Variants in CAMLG observed in about 807,000 individuals in gnomAD.
The protein encoded by CAMLG is guided entry of tail-anchored proteins factor CAMLG.
Under a neutral mutation model 28.9 loss-of-function variants are expected in CAMLG, and 23 were observed. The observed-to-expected ratio is 0.80, with a 90% CI of 0.57 to 1.13. The LOEUF (loss-of-function observed/expected upper bound fraction) is 1.13, where lower values mean the gene tolerates loss of function less well. Ranked by LOEUF, CAMLG falls within the 50% of genes most tolerant of loss-of-function variation. The pLI, the probability that CAMLG is intolerant of heterozygous loss-of-function variation, is 0.00. For missense variants in CAMLG, 367 were observed against 371.9 expected, an observed-to-expected ratio of 0.99 and a Z score of 0.11; for synonymous variants, 141 against 146.5, an observed-to-expected ratio of 0.96 and a Z score of 0.27.
chr5:134,740,450 G>A (rs1418318937), intron 1 of CAMLG, among the ~76,000 whole-genome samples: 3 of 152,104 alleles, frequency 2.0e-5, no homozygotes, highest in Non-Finnish European at 4.4e-5. Flanking sequence ...TAAAAAGTTG[G>A]TCTTTTCAGC....
At chr5:134,745,929 G>A (rs1038715896) in intron 3 of CAMLG, among the ~76,000 whole-genome samples, 5 of 150,384 alleles carry the variant, frequency 3.3e-5, no homozygotes, top group Admixed American at 6.7e-5. Flanking sequence ...AGCTGAGGTC[G>A]GGATTTCGAG....
rs1000823516 is a variant in CAMLG at position 134,740,548 on chromosome 5, T to G, written c.173-515T>G. On this transcript the variant is annotated intron_variant, in intron 1 of 3. Coordinates refer to ENST00000297156, the MANE Select transcript of CAMLG (RefSeq NM_001745.4). The stretch of plus-strand genomic sequence containing the variant: ...TTGGGTTATTTCCTCTGCAGAATAT[T>G]CATTTTGGGTGATACATTTTGAGGG... Among the ~76,000 whole-genome samples, 6 of 152,210 alleles carry G rather than the reference T, an allele frequency of 3.9e-5. No homozygotes were observed. In the South Asian group the frequency reaches 1.2e-3, roughly 32 times the overall value.
At position 134,741,937 on chromosome 5, in the gene CAMLG, C is replaced by T. The variant is rs571217747; in HGVS notation, c.633+414C>T. On this transcript the variant is annotated intron_variant, in intron 2 of 3. Transcript: ENST00000297156. Reference sequence around the variant, plus strand: ...CTCCAGCCTGGGTGACAGAGTGAGACCCCGTCTCAAAAATATATGTATGTG... The same window carrying T: ...CTCCAGCCTGGGTGACAGAGTGAGATCCCGTCTCAAAAATATATGTATGTG... Among the ~76,000 whole-genome samples the T allele has an allele frequency of 1.8e-4, 28 of 152,122 alleles. No homozygotes were observed. The South Asian group carries it at 5.8e-3, about 32-fold the overall frequency.
chr5:134,743,138 A>C (rs895457283), intron 2 of CAMLG, among the ~76,000 whole-genome samples: 7 of 152,178 alleles, frequency 4.6e-5, no homozygotes, highest in African/African-American at 1.4e-4. Context: ...CTCCTGCCTC[A>C]GCCTTCTGCA....
chr5:134,744,009 CT>C lies in CAMLG; in HGVS notation c.659del (p.Leu220TyrfsTer19). 1 of 1,442,900 alleles carries C rather than the reference CT, an allele frequency of 6.9e-7. No homozygotes were observed. The highest frequency in any genetic ancestry group is 9.7e-7 in the Non-Finnish European group (1 of 1,027,146). 89.4% of individuals were successfully genotyped at this position (1,442,900 alleles called of 1,614,324 possible). On this transcript the variant is annotated frameshift_variant, in exon 3 of 4. Coordinates refer to ENST00000297156, the MANE Select transcript of CAMLG (RefSeq NM_001745.4). LOFTEE classifies it high-confidence loss of function. The stretch of plus-strand genomic sequence containing the variant: ...CAGTCCATATTTGCTCCATTTCTTA[CT>C]TTACAACTTGCGTACATGGGATTAT... ...KYLSIFAPFL[T>X]LQLAYMGLYK...
intron 3 of CAMLG, among the ~76,000 whole-genome samples, chr5:134,745,372 C>T (rs886076557): frequency 6.9e-6 from 1 of 144,624 alleles, no homozygotes; most frequent in African/African-American, 2.6e-5. Flanking sequence ...GGAGGCGGAG[C>T]TTGCAGTGAG....
At chr5:134,748,452 C>T (rs897541960) in intron 3 of CAMLG, among the ~76,000 whole-genome samples, 33 of 152,176 alleles carry the variant, frequency 2.2e-4, no homozygotes, top group African/African-American at 7.2e-4. Context: ...GTGGGAGAAT[C>T]GCTTGAACCC....
Position 134,750,756 on chromosome 5 carries a change from C to A in CAMLG, c.700-3C>A. On this transcript the variant is annotated splice_region_variant and splice_polypyrimidine_tract_variant and intron_variant, in intron 3 of 3. Coordinates refer to ENST00000297156, the MANE Select transcript of CAMLG (RefSeq NM_001745.4). ...AGATTAATTTGAGTCTTTCTCTACA[C>A]AGAGTGAAAAGAAGATAAAGACAAC... is the stretch of plus-strand genomic sequence containing the variant. 1 of 1,605,884 alleles carries A rather than the reference C, an allele frequency of 6.2e-7. No homozygotes were observed.
Position 134,738,582 on chromosome 5 carries a change from C to G in CAMLG, c.-39C>G. The G allele has an allele frequency of 6.5e-7, 1 of 1,528,120 alleles. No individual in the cohort carries two copies. The allele number at this position is 1,528,120 out of a possible 1,614,324, so 94.7% of individuals were successfully genotyped here. A position where few individuals can be genotyped will look rare whatever the true frequency, so the allele number is the denominator to read the frequency against. Reference sequence around the variant, plus strand: ...TCGCCCTCGCAGCGGCGGCCAACATCACCGCCACTGCCACCCCTCCCAGAC... The same window carrying G: ...TCGCCCTCGCAGCGGCGGCCAACATGACCGCCACTGCCACCCCTCCCAGAC... On this transcript the variant is annotated 5_prime_UTR_variant, in exon 1 of 4. In the 5' UTR this introduces an upstream ATG that the reference lacks. Transcript: ENST00000297156.
chr5:134,739,128 T>C (rs1752953999), intron 1 of CAMLG, among the ~76,000 whole-genome samples: 1 of 152,186 alleles, frequency 6.6e-6, no homozygotes, highest in Non-Finnish European at 1.5e-5. Context: ...ATCCCCAGAC[T>C]GTCATGTCTA....
chr5:134,747,174 TTATTA>T (rs774646054), intron 3 of CAMLG, among the ~76,000 whole-genome samples: 81 of 152,282 alleles, frequency 5.3e-4, no homozygotes, highest in Middle Eastern at 3.4e-3. Flanking sequence ...AATTAACATC[TTATTA>T]TATTATGTAT....
intron 3 of CAMLG, among the ~76,000 whole-genome samples, chr5:134,747,256 C>A (rs1156951007): frequency 1.3e-5 from 2 of 152,102 alleles, no homozygotes; most frequent in South Asian, 4.1e-4. Context: ...TCAAATTTTT[C>A]TTGATGCATT....
chr5:134,749,059 G>C (rs921999025), intron 3 of CAMLG, among the ~76,000 whole-genome samples: 5 of 151,098 alleles, frequency 3.3e-5, no homozygotes, highest in Non-Finnish European at 5.9e-5. Context: ...ATTTCTTTTA[G>C]GTAACTATAG....
In CAMLG at chr5:134,750,969, G is replaced by T; in HGVS notation, c.*19G>T. ...ACCATGAAGCCTGTAGAACTGAGAA[G>T]GAGAAGCTTACAAAAAAAAAAAAAT... On this transcript the variant is annotated 3_prime_UTR_variant, in exon 4 of 4. Coordinates refer to ENST00000297156, the MANE Select transcript of CAMLG (RefSeq NM_001745.4). 6.4e-7 allele frequency: 1 copy of T among 1,561,068 alleles called. No homozygotes were observed. Among genetic ancestry groups the T allele is most frequent in the Non-Finnish European group, 8.7e-7 (1 of 1,154,474 alleles).
intron 1 of CAMLG, among the ~76,000 whole-genome samples, 163 bp from the exon 2 acceptor site, chr5:134,740,900 A>G (rs1182600611): frequency 6.6e-6 from 1 of 152,222 alleles, no homozygotes; most frequent in Non-Finnish European, 1.5e-5. Flanking sequence ...GAGCCACGGC[A>G]CCTGGCCGAA....
At chr5:134,747,645 ATTT>A (rs551808122) in intron 3 of CAMLG, among the ~76,000 whole-genome samples, 2 of 132,200 alleles carry the variant, frequency 1.5e-5, no homozygotes, top group African/African-American at 2.8e-5. Flanking sequence ...CATGCTCGGC[ATTT>A]TTTTTTTTTT....
At chr5:134,750,194 TA>T (rs1179530867) in intron 3 of CAMLG, among the ~76,000 whole-genome samples, 1 of 152,220 alleles carries the variant, frequency 6.6e-6, no homozygotes, top group East Asian at 1.9e-4. Context: ...GTATATATCA[TA>T]AATTGTTATT....
chr5:134,751,767 A>C lies in CAMLG; in HGVS notation c.*817A>C, dbSNP rs1024210620. 2 of 152,178 alleles carry C rather than the reference A, an allele frequency of 1.3e-5. No homozygotes were observed. Among genetic ancestry groups the C allele is most frequent in the African/African-American group, 4.8e-5 (2 of 41,400 alleles). 9.4% of individuals were successfully genotyped at this position (152,178 alleles called of 1,614,324 possible). ...GCCATCTCGGCTCACCGCAACCTCCACCTTCCTGGTTCAAGGGATTCTCCT... is the reference window on the plus strand; with the variant it reads ...GCCATCTCGGCTCACCGCAACCTCCCCCTTCCTGGTTCAAGGGATTCTCCT... On this transcript the variant is annotated 3_prime_UTR_variant, in exon 4 of 4. Coordinates refer to ENST00000297156, the MANE Select transcript of CAMLG (RefSeq NM_001745.4).
intron 1 of CAMLG, among the ~76,000 whole-genome samples, chr5:134,739,332 T>G (rs950629609): frequency 6.6e-5 from 10 of 152,172 alleles, no homozygotes; most frequent in Admixed American, 2.0e-4. Context: ...TCCTAGTGTT[T>G]GTGTTCAGTG....
Sources: allele counts gnomAD v4.1 joint callset (sites outside exome capture counted in the v4.1 genomes callset), GRCh38; gene constraint gnomAD v4.1.1; transcripts MANE v1.5; gene names NCBI Gene and HGNC (gene_info 2026-07-23, HGNC 2026-07-21).